The following CCDC149 variants were observed in gnomAD, a reference collection of about 807,000 sequenced individuals.
CCDC149 encodes the protein coiled-coil domain containing 149.
In CCDC149, 45 loss-of-function variants were observed where a neutral mutation model predicts 59.9. The observed-to-expected ratio is 0.75, with a 90% CI of 0.59 to 0.96. The LOEUF (loss-of-function observed/expected upper bound fraction) is 0.96. Ranked by LOEUF, CCDC149 falls within the 40% of genes least tolerant of loss-of-function variation. The pLI is 0.00. For missense variants in CCDC149, 584 were observed against 664.7 expected (o/e 0.88, Z 1.33); for synonymous variants, 245 against 260.6 (o/e 0.94, Z 0.58).
intron 3 of CCDC149, among the ~76,000 whole-genome samples, chr4:24,869,404 G>T (rs1409267462): frequency 1.3e-5 from 2 of 152,176 alleles, no homozygotes; most frequent in Admixed American, 1.3e-4. Context: ...CTGGGGCCCA[G>T]CTGCACTTCT....
chr4:24,846,040 C>T (rs1717266650), intron 4 of CCDC149, among the ~76,000 whole-genome samples: 1 of 152,228 alleles, frequency 6.6e-6, no homozygotes, highest in Non-Finnish European at 1.5e-5. Context: ...ATTATGTCCA[C>T]AGTCTATGGG....
intron 9 of CCDC149, among the ~76,000 whole-genome samples, chr4:24,823,411 T>C (rs1209834899): frequency 2.0e-5 from 3 of 152,168 alleles, no homozygotes; most frequent in Non-Finnish European, 4.4e-5. Context: ...TAAAATAATA[T>C]AGTTGGGAAA....
At chr4:24,891,127 C>T (rs1301002115) in intron 1 of CCDC149, among the ~76,000 whole-genome samples, 3 of 152,206 alleles carry the variant, frequency 2.0e-5, no homozygotes. Flanking sequence ...TATTTTCTTT[C>T]CATAAACTCC....
intron 4 of CCDC149, among the ~76,000 whole-genome samples, chr4:24,847,968 G>T (rs892123392): frequency 3.3e-5 from 5 of 152,192 alleles, no homozygotes; most frequent in African/African-American, 9.6e-5. Context: ...GCACACCTCA[G>T]GGTATAGTAG....
chr4:24,862,267 T>C (rs997777953), intron 3 of CCDC149, among the ~76,000 whole-genome samples: 2 of 152,068 alleles, frequency 1.3e-5, no homozygotes, highest in Non-Finnish European at 2.9e-5. Context: ...AGATAGTAAG[T>C]GTGCACACTC....
intron 12 of CCDC149, among the ~76,000 whole-genome samples, chr4:24,810,297 G>T (rs970166561): frequency 6.6e-6 from 1 of 152,194 alleles, no homozygotes; most frequent in East Asian, 1.9e-4. Flanking sequence ...TTAAAAAATA[G>T]TTCCCTTTCT....
At chr4:24,901,331 T>G (rs1388899349) in intron 1 of CCDC149, among the ~76,000 whole-genome samples, 1 of 138,446 alleles carries the variant, frequency 7.2e-6, no homozygotes, top group Non-Finnish European at 1.7e-5. Flanking sequence ...AGTATGGTTT[T>G]ACTGGTGGAA....
At chr4:24,872,973 C>T (rs1036069966) in intron 3 of CCDC149, among the ~76,000 whole-genome samples, 31 of 79,794 alleles carry the variant, frequency 3.9e-4, no homozygotes, top group African/African-American at 1.1e-3. Flanking sequence ...GGTATGCACC[C>T]GCAGAATGGT....
At chr4:24,835,756 A>G (rs1028737329) in intron 7 of CCDC149, among the ~76,000 whole-genome samples, 1 of 152,200 alleles carries the variant, frequency 6.6e-6, no homozygotes, top group Admixed American at 6.5e-5. Context: ...TAATGTCAAA[A>G]GCCAGGAAAA....
chr4:24,889,593 T>G (rs1248619567), intron 1 of CCDC149, among the ~76,000 whole-genome samples: 1 of 152,200 alleles, frequency 6.6e-6, no homozygotes, highest in African/African-American at 2.4e-5. Context: ...ACAGGCAGCT[T>G]GCATCACCAA....
chr4:24,891,061 G>C (rs538884437), intron 1 of CCDC149, among the ~76,000 whole-genome samples: 2 of 152,166 alleles, frequency 1.3e-5, no homozygotes, highest in Non-Finnish European at 2.9e-5. Context: ...ACTGCGCCTT[G>C]CTCATATTTT....
chr4:24,979,522 C>T (rs1724372591), intron 1 of CCDC149, among the ~76,000 whole-genome samples: 1 of 152,182 alleles, frequency 6.6e-6, no homozygotes, highest in Admixed American at 6.5e-5. Context: ...TTACCTGCCC[C>T]TATATATTCC....
downstream of CCDC149, among the ~76,000 whole-genome samples, chr4:24,805,414 T>G (rs1714100417): frequency 6.6e-6 from 1 of 152,096 alleles, no homozygotes. Context: ...AACTCCAAAC[T>G]CATCGGAAAC....
At chr4:24,861,357 T>C (rs800482) in intron 3 of CCDC149, among the ~76,000 whole-genome samples, 19 of 152,056 alleles carry the variant, frequency 1.2e-4, no homozygotes, top group Non-Finnish European at 2.2e-4. Flanking sequence ...AGTTGGAGAC[T>C]ATTATTCTAA....
At chr4:24,951,694 A>G (rs978963716) in intron 1 of CCDC149, among the ~76,000 whole-genome samples, 10 of 152,188 alleles carry the variant, frequency 6.6e-5, no homozygotes, top group African/African-American at 1.7e-4. Context: ...TTTCCTTTTT[A>G]TATCTGTTTT....
intron 1 of CCDC149, among the ~76,000 whole-genome samples, chr4:24,959,108 G>A (rs1028679649): frequency 6.6e-6 from 1 of 151,632 alleles, no homozygotes; most frequent in Non-Finnish European, 1.5e-5. Context: ...TGAGTAGCTG[G>A]GACTACAGGC....
chr4:24,887,517 C>A (rs1026059610), intron 1 of CCDC149, among the ~76,000 whole-genome samples: 2 of 152,144 alleles, frequency 1.3e-5, no homozygotes, highest in African/African-American at 4.8e-5. Context: ...ACCTCCTCCC[C>A]TGATCACCAC....
intron 9 of CCDC149, 114 bp downstream of exon 9, chr4:24,831,392 A>AG (rs1716134177): frequency 1.0e-6 from 1 of 986,012 alleles, no homozygotes; most frequent in Admixed American, 2.2e-5. Flanking sequence ...TCTTGATTTG[A>AG]GGGGTCTCAC....
At chr4:24,971,175 A>G (rs1356238094) in intron 1 of CCDC149, among the ~76,000 whole-genome samples, 1 of 152,194 alleles carries the variant, frequency 6.6e-6, no homozygotes, top group Non-Finnish European at 1.5e-5. Flanking sequence ...ACGACCCCCT[A>G]CAGAGTTGGT....
Sources: gnomAD v4.1 joint callset for allele counts (sites outside exome capture counted in the v4.1 genomes callset) on GRCh38, gnomAD v4.1.1 for gene constraint, MANE v1.5 for transcripts, NCBI Gene and HGNC (gene_info 2026-07-23, HGNC 2026-07-21) for gene names.